CDH23: variants seen among roughly 807,000 people sequenced by gnomAD.
CDH23 encodes the protein cadherin-23.
In CDH23, 189 loss-of-function variants were observed where a neutral mutation model predicts 317.1. That is an observed-to-expected ratio of 0.60 (90% CI 0.53 to 0.67). CDH23 has a LOEUF of 0.67. CDH23 is among the 30% of genes least tolerant of loss of function. CDH23 has a pLI of 0.00. For missense variants in CDH23, 4,401 were observed against 4,592.4 expected, an observed-to-expected ratio of 0.96 and a Z score of 1.20; for synonymous variants, 1,839 against 1,876.8, an observed-to-expected ratio of 0.98 and a Z score of 0.52.
chr10:71,672,114 T>C (rs918815964), intron 14 of CDH23, among the ~76,000 whole-genome samples: 5 of 151,770 alleles, frequency 3.3e-5, no homozygotes, highest in African/African-American at 1.2e-4. Context: ...GAATACTGAG[T>C]GTGCGCAGGG....
At chr10:71,755,404 T>C in intron 38 of CDH23, 2 of 1,613,250 alleles carry the variant, frequency 1.2e-6, no homozygotes, top group Non-Finnish European at 1.7e-6. Flanking sequence ...AGGAGCAGGA[T>C]GAGGGGGAGG....
chr10:71,568,411 C>T (rs1361592172), intron 7 of CDH23, among the ~76,000 whole-genome samples: 1 of 152,208 alleles, frequency 6.6e-6, no homozygotes, highest in Non-Finnish European at 1.5e-5. Flanking sequence ...ATAATTTCCA[C>T]CCACCATAAA....
At chr10:71,458,224 G>A (rs1192688010) in intron 3 of CDH23, among the ~76,000 whole-genome samples, 1 of 152,270 alleles carries the variant, frequency 6.6e-6, no homozygotes, top group Non-Finnish European at 1.5e-5. Flanking sequence ...AGGAGATCAA[G>A]TTGTTCTGTC....
chr10:71,398,092 G>T (rs1045014222), intron 1 of CDH23, among the ~76,000 whole-genome samples: 2 of 152,210 alleles, frequency 1.3e-5, no homozygotes, highest in African/African-American at 4.8e-5. Flanking sequence ...AGGCAGTGAC[G>T]GCGCCAGCCG....
chr10:71,442,389 T>C (rs1264302111), intron 2 of CDH23, among the ~76,000 whole-genome samples: 1 of 152,134 alleles, frequency 6.6e-6, no homozygotes, highest in Non-Finnish European at 1.5e-5. Flanking sequence ...CTGAACCACC[T>C]TCCCAGGCCC....
At chr10:71,761,580 C>A (rs546854374) in intron 38 of CDH23, 130 of 1,553,068 alleles carry the variant, frequency 8.4e-5, no homozygotes, top group Non-Finnish European at 1.1e-4. Flanking sequence ...CAGGCTGTCA[C>A]GTGCAGGATG....
At chr10:71,652,104 A>G (rs1863202920) in intron 14 of CDH23, among the ~76,000 whole-genome samples, 1 of 152,186 alleles carries the variant, frequency 6.6e-6, no homozygotes, top group African/African-American at 2.4e-5. Flanking sequence ...GGCCCTGAAA[A>G]GTCCTGACTG....
intron 6 of CDH23, among the ~76,000 whole-genome samples, chr10:71,526,195 G>A (rs943983977): frequency 4.6e-5 from 7 of 152,254 alleles, no homozygotes; most frequent in African/African-American, 1.7e-4. Flanking sequence ...CCTGTGGCAT[G>A]TATCAAGCAC....
intron 10 of CDH23, among the ~76,000 whole-genome samples, chr10:71,616,380 C>G (rs947916321): frequency 6.6e-6 from 1 of 152,190 alleles, no homozygotes; most frequent in African/African-American, 2.4e-5. Context: ...TTGGGAGGCC[C>G]TGCTGTTCAG....
At chr10:71,546,776 G>A (rs1463566211) in intron 6 of CDH23, among the ~76,000 whole-genome samples, 1 of 152,202 alleles carries the variant, frequency 6.6e-6, no homozygotes, top group African/African-American at 2.4e-5. Flanking sequence ...CGCCCTTCCT[G>A]TCACACCTCC....
At chr10:71,663,492 C>T (rs771142073) in intron 14 of CDH23, among the ~76,000 whole-genome samples, 2 of 152,188 alleles carry the variant, frequency 1.3e-5, no homozygotes, top group Admixed American at 6.5e-5. Flanking sequence ...GGACTCCTCT[C>T]GGCCCTTGCC....
chr10:71,722,588 G>C (rs1448033524), intron 28 of CDH23, among the ~76,000 whole-genome samples: 1 of 152,204 alleles, frequency 6.6e-6, no homozygotes, highest in African/African-American at 2.4e-5. Flanking sequence ...CTTCCTGTGG[G>C]GATATGGGCA....
chr10:71,457,673 C>A (rs1850763374), intron 3 of CDH23, among the ~76,000 whole-genome samples: 2 of 152,248 alleles, frequency 1.3e-5, no homozygotes, highest in Non-Finnish European at 2.9e-5. Context: ...GAGTCCCAGG[C>A]CTGGCATTGC....
At chr10:71,622,672 T>G (rs1861524436) in intron 11 of CDH23, among the ~76,000 whole-genome samples, 1 of 152,238 alleles carries the variant, frequency 6.6e-6, no homozygotes, top group African/African-American at 2.4e-5. Context: ...TCATCCGCTG[T>G]CAGGAGAAAT....
chr10:71,421,600 T>G (rs187149665), intron 1 of CDH23, among the ~76,000 whole-genome samples: 7 of 152,378 alleles, frequency 4.6e-5, no homozygotes, highest in African/African-American at 1.4e-4. Flanking sequence ...AGCTTATTTA[T>G]CAATATCAAT....
chr10:71,478,496 G>A (rs1054217664), intron 3 of CDH23, among the ~76,000 whole-genome samples: 3 of 152,120 alleles, frequency 2.0e-5, no homozygotes, highest in East Asian at 1.9e-4. Flanking sequence ...TGTCCCCCTC[G>A]GTTCTCCTGG....
At chr10:71,551,089 T>C (rs1856568126) in intron 6 of CDH23, among the ~76,000 whole-genome samples, 1 of 152,276 alleles carries the variant, frequency 6.6e-6, no homozygotes, top group Non-Finnish European at 1.5e-5. Flanking sequence ...TTGTCATTTC[T>C]TGTAATAACA....
At chr10:71,514,978 G>A (rs1195255454) in intron 6 of CDH23, among the ~76,000 whole-genome samples, 1 of 152,324 alleles carries the variant, frequency 6.6e-6, no homozygotes, top group Middle Eastern at 3.4e-3. Flanking sequence ...TTAGGGGCGC[G>A]TGCCCGCCTC....
Position 71,645,939 on chromosome 10 carries a change from A to G in CDH23, c.1249A>G (p.Ile417Val), listed in dbSNP as rs781398004. The change falls in exon 13 of 70, where the codon ATC (isoleucine) becomes GTC (valine). Residue 417 changes from isoleucine (I) to valine (V), a missense_variant. By Grantham distance (29) the Ile-to-Val change is conservative. Around this residue, in one of 3 missense-constraint regions of CDH23, gnomAD observed 3,068 missense variants for 3,203.3 expected, o/e 0.96. Coordinates refer to ENST00000224721, the MANE Select transcript of CDH23 (RefSeq NM_022124.6). ...GKADIRIRVA[I>V]PLDYETVDRY... Reference sequence around the variant, plus strand: ...GGCGGACATTCGTATTCGGGTGGCCATCCCACTGGACTACGAGACCGTGGA... The same window carrying G: ...GGCGGACATTCGTATTCGGGTGGCCGTCCCACTGGACTACGAGACCGTGGA... 5.6e-6 allele frequency: 9 copies of G among 1,613,514 alleles called. No homozygotes were observed. Among genetic ancestry groups the G allele is most frequent in the Non-Finnish European group, 7.6e-6 (9 of 1,179,722 alleles).
Sources: allele counts gnomAD v4.1 joint callset (sites outside exome capture counted in the v4.1 genomes callset), GRCh38; gene constraint gnomAD v4.1.1; regional missense constraint gnomAD v4.1.1; transcripts MANE v1.5; gene names NCBI Gene and HGNC (gene_info 2026-07-23, HGNC 2026-07-21).